The following VDAC1 variants were observed in gnomAD, a reference collection of about 807,000 sequenced individuals.
The protein encoded by VDAC1 is non-selective voltage-gated ion channel VDAC1.
VDAC1 carries 10 observed loss-of-function variants against 34.7 expected under a neutral mutation model. The ratio of observed to expected loss-of-function variants is 0.29; its 90% CI spans 0.18 to 0.49. VDAC1 has a LOEUF of 0.49. Ranked by LOEUF, VDAC1 falls within the 20% of genes least tolerant of loss-of-function variation. The probability of loss-of-function intolerance (pLI) is 0.99; values close to 1 mark genes in which losing one functional copy is unlikely to be tolerated. For missense variants in VDAC1, 230 were observed against 347.9 expected (o/e 0.66, Z 2.69); for synonymous variants, 130 against 136.0 (o/e 0.96, Z 0.30).
the VDAC1 span, among the ~76,000 whole-genome samples, chr5:134,049,680 C>T: frequency 6.6e-6 from 1 of 152,078 alleles, no homozygotes; most frequent in Non-Finnish European, 1.5e-5. Flanking sequence ...CTCAGGTTCA[C>T]GCAATTCTCC....
the VDAC1 span, among the ~76,000 whole-genome samples, chr5:134,060,880 C>CTTCTTTTTTTTT: frequency 4.1e-5 from 4 of 98,682 alleles, no homozygotes; most frequent in Non-Finnish European, 5.6e-5. Flanking sequence ...TCTTCTTCTT[C>CTTCTTTTTTTTT]TTTTTTTTTT....
At chr5:133,991,330 G>A (rs1047383045) in intron 3 of VDAC1, among the ~76,000 whole-genome samples, 176 bp from the exon 4 acceptor site, 3 of 152,186 alleles carry the variant, frequency 2.0e-5, no homozygotes, top group African/African-American at 7.2e-5. Context: ...AAAGGAGCCT[G>A]CTATGTAAAG....
intron 7 of VDAC1, 57 bp from the exon 8 acceptor site, chr5:133,973,905 A>AT (rs1482894110): frequency 6.5e-7 from 1 of 1,539,756 alleles, no homozygotes; most frequent in African/African-American, 1.4e-5. Flanking sequence ...TTGCACTTCC[A>AT]TCTCCAAAAT....
chr5:134,071,015 G>T, the VDAC1 span, among the ~76,000 whole-genome samples: 10 of 152,272 alleles, frequency 6.6e-5, no homozygotes, highest in East Asian at 1.9e-3. This position sits in a 1 kb window ranked among gnomAD's most constrained non-coding sequence, Gnocchi z 4.1. Flanking sequence ...CGTAAACCCC[G>T]CCCAGCAGAG....
At chr5:134,087,594 C>A in the VDAC1 span, among the ~76,000 whole-genome samples, 1 of 152,250 alleles carries the variant, frequency 6.6e-6, no homozygotes, top group Non-Finnish European at 1.5e-5. Context: ...GTGGCTCACG[C>A]CTGTAATCCC....
At chr5:134,028,395 A>G in the VDAC1 span, among the ~76,000 whole-genome samples, 3 of 152,164 alleles carry the variant, frequency 2.0e-5, no homozygotes, top group Non-Finnish European at 4.4e-5. Context: ...GGCCTCCCAA[A>G]GTGCTGGGAT....
At chr5:134,030,254 C>T in the VDAC1 span, among the ~76,000 whole-genome samples, 3 of 151,770 alleles carry the variant, frequency 2.0e-5, no homozygotes, top group Non-Finnish European at 2.9e-5. Flanking sequence ...GCAGGAGAAT[C>T]GCTTGAACCT....
the VDAC1 span, among the ~76,000 whole-genome samples, chr5:134,092,675 C>CAA: frequency 0.018 from 1,749 of 96,984 alleles, 40 homozygotes; most frequent in African/African-American, 0.059. Context: ...GATTCCGTCT[C>CAA]AAAAAAAAAA....
chr5:133,996,288 C>G (rs893159632), intron 1 of VDAC1, among the ~76,000 whole-genome samples: 1 of 152,172 alleles, frequency 6.6e-6, no homozygotes, highest in Non-Finnish European at 1.5e-5. Flanking sequence ...CAAGTCACAC[C>G]AGGATACAGG....
the VDAC1 span, among the ~76,000 whole-genome samples, chr5:134,078,514 C>T: frequency 1.7e-3 from 252 of 152,296 alleles, 2 homozygotes; most frequent in African/African-American, 5.9e-3. Context: ...AAAGAGAGCA[C>T]ACTGGGGAGC....
At chr5:134,050,117 TA>T in the VDAC1 span, among the ~76,000 whole-genome samples, 1 of 151,924 alleles carries the variant, frequency 6.6e-6, no homozygotes, top group Non-Finnish European at 1.5e-5. Context: ...GGCGTGATGG[TA>T]GGCGCCTGTA....
the VDAC1 span, among the ~76,000 whole-genome samples, chr5:134,114,207 G>A: frequency 2.6e-5 from 4 of 152,206 alleles, no homozygotes; most frequent in Non-Finnish European, 5.9e-5. Context: ...GGCAAGAGCC[G>A]CAACAGCGCC....
At chr5:134,002,580 A>G (rs962862097) in intron 1 of VDAC1, among the ~76,000 whole-genome samples, 5 of 152,234 alleles carry the variant, frequency 3.3e-5, no homozygotes, top group African/African-American at 1.2e-4. Context: ...TTATTTCAAG[A>G]GACTATACAT....
chr5:133,979,295 A>C (rs1391362453), intron 6 of VDAC1, among the ~76,000 whole-genome samples: 1 of 152,194 alleles, frequency 6.6e-6, no homozygotes, highest in Non-Finnish European at 1.5e-5. Context: ...AACCAAGGAA[A>C]ACACTTCCCA....
At chr5:134,017,040 T>C in the VDAC1 span, among the ~76,000 whole-genome samples, 2 of 152,156 alleles carry the variant, frequency 1.3e-5, no homozygotes. Context: ...GCCTTCTCAT[T>C]CTCTGGCCTC....
chr5:134,027,758 T>G, the VDAC1 span, among the ~76,000 whole-genome samples: 1 of 149,952 alleles, frequency 6.7e-6, no homozygotes, highest in Admixed American at 6.7e-5. Flanking sequence ...CATTTCCAGA[T>G]CTTGCCTACT....
chr5:134,076,532 C>T, the VDAC1 span, among the ~76,000 whole-genome samples: 2 of 152,222 alleles, frequency 1.3e-5, no homozygotes, highest in South Asian at 4.1e-4. Flanking sequence ...GCTCACTGCT[C>T]TCGCCCGAGC....
chr5:134,082,826 G>T, the VDAC1 span, among the ~76,000 whole-genome samples: 2 of 152,146 alleles, frequency 1.3e-5, no homozygotes, highest in Admixed American at 1.3e-4. Flanking sequence ...GACTAATGAC[G>T]TTGAGCATCT....
At chr5:134,100,382 G>A in the VDAC1 span, among the ~76,000 whole-genome samples, 3 of 152,196 alleles carry the variant, frequency 2.0e-5, no homozygotes, top group Non-Finnish European at 2.9e-5. Context: ...ATTTGCATAC[G>A]ATGCAAAGAA....
Sources: allele counts gnomAD v4.1 joint callset (sites outside exome capture counted in the v4.1 genomes callset), GRCh38; gene constraint gnomAD v4.1.1; non-coding constraint Gnocchi (gnomAD v3.1); transcripts MANE v1.5; gene names NCBI Gene and HGNC (gene_info 2026-07-23, HGNC 2026-07-21).